The following FRMD4A variants were observed in gnomAD, a reference collection of about 807,000 sequenced individuals.
FRMD4A encodes the protein FERM domain containing 4A, also known as FERM domain-containing protein 4A.
Under a neutral mutation model 129.1 loss-of-function variants are expected in FRMD4A, and 29 were observed. The observed-to-expected ratio is 0.22, with a 90% CI of 0.17 to 0.31. The LOEUF (loss-of-function observed/expected upper bound fraction) is 0.31, where lower values mean the gene tolerates loss of function less well. Among genes scored for constraint, FRMD4A ranks in the 10% least tolerant of loss-of-function variants. FRMD4A has a pLI of 1.00. For missense variants in FRMD4A, 1,272 were observed against 1,375.8 expected, an observed-to-expected ratio of 0.92 and a Z score of 1.19; for synonymous variants, 634 against 571.6, an observed-to-expected ratio of 1.11 and a Z score of -1.56.
chr10:14,263,454 G>A (rs1218334), intron 2 of FRMD4A, among the ~76,000 whole-genome samples: 15,065 of 152,142 alleles, frequency 0.099, 1,676 homozygotes, highest in African/African-American at 0.27. Flanking sequence ...TTCAAGAAGT[G>A]CATCCATTCC....
chr10:14,089,066 A>G (rs1040318739), intron 2 of FRMD4A, among the ~76,000 whole-genome samples: 3 of 152,190 alleles, frequency 2.0e-5, no homozygotes, highest in Admixed American at 6.5e-5. Flanking sequence ...AGAGCCTGGA[A>G]GATGAGTCCT....
intron 2 of FRMD4A, among the ~76,000 whole-genome samples, chr10:13,919,937 C>A (rs1318471981): frequency 6.6e-6 from 1 of 151,972 alleles, no homozygotes; most frequent in African/African-American, 2.4e-5. Context: ...GATCCTGTCT[C>A]AAAAAACAAA....
chr10:13,750,109 G>GAAAGAAATAAAGA (rs59377985), intron 8 of FRMD4A, among the ~76,000 whole-genome samples: 4 of 73,578 alleles, frequency 5.4e-5, no homozygotes, highest in African/African-American at 1.8e-4. Context: ...AGAAAGAAAT[G>GAAAGAAATAAAGA]AAGAAAGAAA....
chr10:14,283,279 T>C (rs575580532), intron 2 of FRMD4A, among the ~76,000 whole-genome samples: 1 of 152,348 alleles, frequency 6.6e-6, no homozygotes, highest in African/African-American at 2.4e-5. Flanking sequence ...GTTAAAATGG[T>C]TTTGAATTGG....
At chr10:13,788,783 G>A (rs545014991) in intron 5 of FRMD4A, among the ~76,000 whole-genome samples, 1 of 152,194 alleles carries the variant, frequency 6.6e-6, no homozygotes, top group Admixed American at 6.5e-5. Flanking sequence ...TTATGTGTTT[G>A]AGCTTATTAA....
intron 15 of FRMD4A, chr10:13,684,773 G>A: frequency 1.0e-6 from 1 of 984,696 alleles, no homozygotes; most frequent in East Asian, 1.1e-4. Context: ...TCTGGAAGGA[G>A]GGGAAACTTC....
intron 2 of FRMD4A, among the ~76,000 whole-genome samples, chr10:13,966,436 G>A (rs913180181): frequency 2.0e-5 from 3 of 152,134 alleles, no homozygotes; most frequent in Admixed American, 6.5e-5. Context: ...AATAGAAGCC[G>A]CAGGCCCTGC....
chr10:13,945,912 C>T (rs963845653), intron 2 of FRMD4A, among the ~76,000 whole-genome samples: 3 of 152,148 alleles, frequency 2.0e-5, no homozygotes, highest in Non-Finnish European at 2.9e-5. Flanking sequence ...GGTCAGAGGC[C>T]CCAGTTTCAA....
chr10:13,874,245 C>CAAAAAAAAAAAAAAAAAAA (rs71388124), intron 2 of FRMD4A, among the ~76,000 whole-genome samples: 1 of 76,410 alleles, frequency 1.3e-5, no homozygotes, highest in Non-Finnish European at 2.3e-5. Context: ...GACACTGTCT[C>CAAAAAAAAAAAAAAAAAAA]AAAAAAAAAA....
intron 2 of FRMD4A, among the ~76,000 whole-genome samples, chr10:13,949,882 C>A (rs575480973): frequency 1.3e-5 from 2 of 152,326 alleles, no homozygotes; most frequent in South Asian, 4.2e-4. Flanking sequence ...TTCAGAAGCA[C>A]TGGGGTATGG....
intron 2 of FRMD4A, among the ~76,000 whole-genome samples, chr10:14,015,425 T>C (rs2095696126): frequency 6.8e-6 from 1 of 148,080 alleles, no homozygotes; most frequent in South Asian, 2.4e-4. Context: ...TTCCCTTCCT[T>C]GACTCTCTCT....
intron 2 of FRMD4A, among the ~76,000 whole-genome samples, chr10:14,185,996 G>A (rs975860326): frequency 6.6e-6 from 1 of 152,188 alleles, no homozygotes; most frequent in African/African-American, 2.4e-5. Flanking sequence ...CAACTGTGCA[G>A]GGTCCATGGT....
chr10:14,156,183 CTCAA>C (rs1416540826), intron 2 of FRMD4A, among the ~76,000 whole-genome samples: 2 of 152,138 alleles, frequency 1.3e-5, no homozygotes, highest in African/African-American at 2.4e-5. Flanking sequence ...CAATGTTGTA[CTCAA>C]TCAATTCATT....
intron 2 of FRMD4A, among the ~76,000 whole-genome samples, chr10:14,067,089 G>A (rs146653526): frequency 1.3e-5 from 2 of 152,032 alleles, no homozygotes; most frequent in Admixed American, 1.3e-4. Context: ...AGGCCGAGGT[G>A]GGTGGATCAT....
intron 2 of FRMD4A, among the ~76,000 whole-genome samples, chr10:13,997,413 C>A (rs2095626478): frequency 6.6e-6 from 1 of 152,132 alleles, no homozygotes; most frequent in Non-Finnish European, 1.5e-5. Context: ...CTTTTCCCAT[C>A]TGCATTATTC....
At chr10:14,038,626 C>A (rs543080766) in intron 2 of FRMD4A, among the ~76,000 whole-genome samples, 1 of 152,170 alleles carries the variant, frequency 6.6e-6, no homozygotes, top group African/African-American at 2.4e-5. Flanking sequence ...CAGCTACTCA[C>A]GCTCAAATCT....
At chr10:13,975,270 T>C (rs1275477988) in intron 2 of FRMD4A, among the ~76,000 whole-genome samples, 6 of 151,824 alleles carry the variant, frequency 4.0e-5, no homozygotes, top group African/African-American at 1.5e-4. Flanking sequence ...TATGTGTCTG[T>C]GTCTGTGTAT....
intron 2 of FRMD4A, among the ~76,000 whole-genome samples, chr10:14,175,974 C>T (rs972894079): frequency 2.0e-5 from 3 of 152,316 alleles, no homozygotes; most frequent in Non-Finnish European, 4.4e-5. Flanking sequence ...ACTCGCTGTC[C>T]TTATATAAAA....
At chr10:13,660,177 C>T (rs2082526360) in intron 20 of FRMD4A, 139 bp downstream of exon 20, 1 of 622,386 alleles carries the variant, frequency 1.6e-6, no homozygotes, top group Non-Finnish European at 2.9e-6. Flanking sequence ...GTGAGCACGG[C>T]CCCGTGAAAG....
Sources: allele counts gnomAD v4.1 joint callset (sites outside exome capture counted in the v4.1 genomes callset), GRCh38; gene constraint gnomAD v4.1.1; transcripts MANE v1.5; gene names NCBI Gene and HGNC (gene_info 2026-07-23, HGNC 2026-07-21).